The following KREMEN2 variants were observed in gnomAD, a reference collection of about 807,000 sequenced individuals.
KREMEN2 encodes the protein kremen protein 2.
A neutral mutation model predicts 49.8 loss-of-function variants in KREMEN2; 43 were observed. The ratio of observed to expected loss-of-function variants is 0.86; its 90% CI spans 0.68 to 1.11. The LOEUF is 1.11. KREMEN2 is among the 50% of genes most tolerant of loss of function. KREMEN2 has a pLI of 0.00. For missense variants in KREMEN2, 686 were observed against 665.7 expected, an observed-to-expected ratio of 1.03 and a Z score of -0.34; for synonymous variants, 355 against 304.9, an observed-to-expected ratio of 1.16 and a Z score of -1.71.
At position 2,967,974 on chromosome 16, in the gene KREMEN2, G is replaced by C. The variant is rs188657773; in HGVS notation, c.1343G>C (p.Ser448Thr). 1.1e-3 allele frequency: 1,696 copies of C among 1,585,680 alleles called. 3 individuals carry two copies. The highest frequency in any genetic ancestry group is 1.3e-3 in the Non-Finnish European group (1,553 of 1,170,544). Residue 448 changes from serine to threonine, a missense_variant, in exon 9 of 9, where the codon AGT becomes ACT. Coordinates refer to ENST00000303746, the MANE Select transcript of KREMEN2 (RefSeq NM_172229.3). Reference sequence around the variant, plus strand: ...TCTGCCGCGGGCTACCGGCCTCTGAGTGCCTCCAGCCAGAGCTCCCTGCGC... The same window carrying C: ...TCTGCCGCGGGCTACCGGCCTCTGACTGCCTCCAGCCAGAGCTCCCTGCGC... ...EGSAAGYRPLSASSQSSLRSL... is the reference protein window; with the variant it reads ...EGSAAGYRPLTASSQSSLRSL...
At position 2,967,006 on chromosome 16, in the gene KREMEN2, G is replaced by GCTGGGCC; in HGVS notation, c.746_752dup (p.Pro252GlyfsTer82). ...GAGTACGGGCCGGACCGGAACTGCA[G>GCTGGGCC]CTGGGCCCTGGGCCCGCCAGGCGCC... On this transcript the variant is annotated frameshift_variant, in exon 6 of 9. Coordinates refer to ENST00000303746, the MANE Select transcript of KREMEN2 (RefSeq NM_172229.3). LOFTEE classifies it high-confidence loss of function. 1 of 1,550,412 alleles carries GCTGGGCC rather than the reference G, an allele frequency of 6.4e-7. No homozygotes were observed. Among genetic ancestry groups the GCTGGGCC allele is most frequent in the Non-Finnish European group, 8.7e-7 (1 of 1,147,402 alleles).
chr16:2,966,885 T>C lies in KREMEN2; in HGVS notation c.641-25T>C, dbSNP rs1005723651. 6.5e-7 allele frequency: 1 copy of C among 1,545,078 alleles called. No individual in the cohort carries two copies. The highest frequency in any genetic ancestry group is 8.7e-7 in the Non-Finnish European group (1 of 1,144,524). On this transcript the variant is annotated intron_variant, in intron 5 of 8. Transcript: ENST00000303746. The surrounding 1 kb of genome is among the most constrained non-coding windows in gnomAD (Gnocchi z 8.4). ...AGCCGCCGTGTCCTGGTCCTCAGGA[T>C]GCTGACTGCCGGCCCCGCCCGCAGT...
At position 2,964,619 on chromosome 16, in the gene KREMEN2, G is replaced by A. The variant is rs748445505; in HGVS notation, c.94+5G>A. 36 of 1,579,164 alleles carry A rather than the reference G, an allele frequency of 2.3e-5. No homozygotes were observed. The East Asian group carries it at 8.2e-4, about 36-fold the overall frequency. On this transcript the variant is annotated splice_donor_5th_base_variant and intron_variant, in intron 1 of 8. Transcript: ENST00000303746. ...CTGGGAGCCTGCACAGTCCAGGTAAGTCCCCGCACGGCTGTCGGGCCGTGT... is the reference window on the plus strand; with the variant it reads ...CTGGGAGCCTGCACAGTCCAGGTAAATCCCCGCACGGCTGTCGGGCCGTGT...
In KREMEN2 at chr16:2,966,404, C is replaced by T. The variant is rs957710592; in HGVS notation, c.441C>T (p.Leu147=). 4 of 1,611,310 alleles carry T rather than the reference C, an allele frequency of 2.5e-6. No individual in the cohort carries two copies. Among genetic ancestry groups the T allele is most frequent in the South Asian group, 1.1e-5 (1 of 91,002 alleles). ...LSGPSGTSTK[L]TVQVCLRFCR... ...GCCCCAGCGGCACCTCCACGAAGCT[C>T]ACGGTCCAGGTGTGCCTACGCTTCT... Residue 147 remains leucine (L), a synonymous_variant, in exon 4 of 9, where the codon CTC becomes CTT. Transcript: ENST00000303746. This position sits in a 1 kb window ranked among gnomAD's most constrained non-coding sequence, Gnocchi z 8.4.
intron 2 of KREMEN2, 136 bp downstream of exon 2, chr16:2,965,169 G>A: frequency 3.0e-6 from 1 of 331,896 alleles, no homozygotes; most frequent in Non-Finnish European, 5.4e-6. Context: ...CCTGGGGGCG[G>A]GGCCAGAATG....
At position 2,966,912 on chromosome 16, in the gene KREMEN2, T is replaced by C. The variant is rs1411430344; in HGVS notation, c.643T>C (p.Ser215Pro). ...GDGRLGVYEV[S>P]VGSCQGNWTA... ...CTGACTGCCGGCCCCGCCCGCAGTG[T>C]CGGTGGGCTCCTGCCAGGGGAACTG... The change falls in exon 6 of 9, where the codon TCG (serine) becomes CCG (proline). Residue 215 changes from serine to proline, a missense_variant and splice_region_variant. Coordinates refer to ENST00000303746, the MANE Select transcript of KREMEN2 (RefSeq NM_172229.3). This position sits in a 1 kb window ranked among gnomAD's most constrained non-coding sequence, Gnocchi z 8.4. 4 of 1,544,956 alleles carry C rather than the reference T, an allele frequency of 2.6e-6. No homozygotes were observed. The highest frequency in any genetic ancestry group is 3.5e-6 in the Non-Finnish European group (4 of 1,143,424).
chr16:2,964,447 G>A lies in KREMEN2; in HGVS notation c.-74G>A. 2 of 1,084,236 alleles carry A rather than the reference G, an allele frequency of 1.8e-6. No homozygotes were observed. Among genetic ancestry groups the A allele is most frequent in the Non-Finnish European group, 2.7e-6 (2 of 753,568 alleles). 67.2% of individuals were successfully genotyped at this position (1,084,236 alleles called of 1,614,324 possible). A position where few individuals can be genotyped will look rare whatever the true frequency, so the allele number is the denominator to read the frequency against. ...AGGACAACGCCCCCTAGGTCTCCTG[G>A]GAGACCCCGAAGCGACCCCGGGGGC... On this transcript the variant is annotated 5_prime_UTR_variant, in exon 1 of 9. Transcript: ENST00000303746.
In KREMEN2 at chr16:2,964,822, G is replaced by A. The variant is rs756426250; in HGVS notation, c.95-37G>A. 4 of 1,599,762 alleles carry A rather than the reference G, an allele frequency of 2.5e-6. No homozygotes were observed. In the East Asian group the frequency reaches 6.8e-5, roughly 27 times the overall value. On this transcript the variant is annotated intron_variant, in intron 1 of 8. Transcript: ENST00000303746. The stretch of plus-strand genomic sequence containing the variant: ...TAGGGGCGCGAGGATGCCCGGCGTG[G>A]GTCCGGACCTCCCCAGGCCCTGCCT...
In KREMEN2 at chr16:2,966,801, G is replaced by A; in HGVS notation, c.640+6G>A. 1.2e-6 allele frequency: 2 copies of A among 1,610,302 alleles called. No individual in the cohort carries two copies. The highest frequency in any genetic ancestry group is 1.1e-5 in the South Asian group (1 of 90,920). On this transcript the variant is annotated splice_donor_region_variant and intron_variant, in intron 5 of 8. Transcript: ENST00000303746. The surrounding 1 kb of genome is among the most constrained non-coding windows in gnomAD (Gnocchi z 8.4). ...GCGGCTGGGCGTCTATGAAGGTGAG[G>A]AGTGGGCGGGGACCAGGGGCCTGGG...
intron 2 of KREMEN2, among the ~76,000 whole-genome samples, chr16:2,965,894 G>A (rs1207742797): frequency 6.6e-6 from 1 of 152,148 alleles, no homozygotes; most frequent in East Asian, 1.9e-4. Flanking sequence ...AACAGCTGAA[G>A]CCTAAAAACA....
intron 2 of KREMEN2, 80 bp downstream of exon 2, chr16:2,965,113 C>T (rs1185752984): frequency 5.5e-6 from 5 of 912,842 alleles, no homozygotes; most frequent in Admixed American, 7.0e-5. Flanking sequence ...TCCGTGCGGG[C>T]GGGGTGGAGG....
At position 2,964,439 on chromosome 16, in the gene KREMEN2, G is replaced by A; in HGVS notation, c.-82G>A. On this transcript the variant is annotated 5_prime_UTR_variant, in exon 1 of 9. Transcript: ENST00000303746. ...ACTGTCAGAGGACAACGCCCCCTAG[G>A]TCTCCTGGGAGACCCCGAAGCGACC... The A allele has an allele frequency of 1.0e-6, 1 of 960,920 alleles. No homozygotes were observed. Among genetic ancestry groups the A allele is most frequent in the Non-Finnish European group, 1.6e-6 (1 of 642,216 alleles). 59.5% of individuals were successfully genotyped at this position (960,920 alleles called of 1,614,324 possible). A position where few individuals can be genotyped will look rare whatever the true frequency, so the allele number is the denominator to read the frequency against.
At position 2,966,828 on chromosome 16, in the gene KREMEN2, G is replaced by T; in HGVS notation, c.640+33G>T. The T allele has an allele frequency of 6.2e-7, 1 of 1,600,186 alleles. No homozygotes were observed. The highest frequency in any genetic ancestry group is 1.1e-5 in the South Asian group (1 of 90,156). ...GTGGGCGGGGACCAGGGGCCTGGGC[G>T]GGCCTCGAGGTGGGGCCTGGCCGGG... On this transcript the variant is annotated intron_variant, in intron 5 of 8. Transcript: ENST00000303746. The surrounding 1 kb of genome is among the most constrained non-coding windows in gnomAD (Gnocchi z 8.4).
chr16:2,967,209 G>A lies in KREMEN2; in HGVS notation c.940G>A (p.Gly314Ser), dbSNP rs1422581366. ...GCTCACCTTCCGAAGCGACGCGCGCGGCCACGCGCAAGGCTTCGCGCTCAC... is the reference window on the plus strand; with the variant it reads ...GCTCACCTTCCGAAGCGACGCGCGCAGCCACGCGCAAGGCTTCGCGCTCAC... ...LLLTFRSDAR[G>S]HAQGFALTYR... is the part of the protein sequence containing the mutation. The change falls in exon 6 of 9, where the codon GGC (glycine) becomes AGC (serine). Residue 314 changes from glycine to serine, a missense_variant. Coordinates refer to ENST00000303746, the MANE Select transcript of KREMEN2 (RefSeq NM_172229.3). 10 of 1,354,164 alleles carry A rather than the reference G, an allele frequency of 7.4e-6. No individual in the cohort carries two copies. The highest frequency in any genetic ancestry group is 5.5e-5 in the South Asian group (3 of 54,056). 83.9% of individuals were successfully genotyped at this position (1,354,164 alleles called of 1,614,324 possible). A position where few individuals can be genotyped will look rare whatever the true frequency, so the allele number is the denominator to read the frequency against.
Position 2,967,925 on chromosome 16 carries a change from C to G in KREMEN2, c.1294C>G (p.Pro432Ala), listed in dbSNP as rs1468959787. 2 of 1,576,548 alleles carry G rather than the reference C, an allele frequency of 1.3e-6. No homozygotes were observed. The highest frequency in any genetic ancestry group is 3.7e-5 in the Admixed American group (2 of 54,672). ...CCGAGGGGTGGCCTTGCCCTGCTCCCCCGGGGACCCCCAGGCTGAGGGTTC... is the reference window on the plus strand; with the variant it reads ...CCGAGGGGTGGCCTTGCCCTGCTCCGCCGGGGACCCCCAGGCTGAGGGTTC... ...QPRGVALPCS[P>A]GDPQAEGSAA... The change falls in exon 9 of 9, where the codon CCC becomes GCC. Residue 432 changes from proline to alanine, a missense_variant. By Grantham distance (27) the Pro-to-Ala change is conservative (BLOSUM62 -1). Coordinates refer to ENST00000303746, the MANE Select transcript of KREMEN2 (RefSeq NM_172229.3).
chr16:2,968,282 G>A lies in KREMEN2; in HGVS notation c.*262G>A. ...GTTTCGGAGGTCTTTGAACCCCTCTGGGGGTGGTCCTGGACTGCCGTCCTC... is the reference window on the plus strand; with the variant it reads ...GTTTCGGAGGTCTTTGAACCCCTCTAGGGGTGGTCCTGGACTGCCGTCCTC... On this transcript the variant is annotated 3_prime_UTR_variant, in exon 9 of 9. Transcript: ENST00000303746. 1.5e-6 allele frequency: 2 copies of A among 1,332,720 alleles called. No homozygotes were observed. The highest frequency in any genetic ancestry group is 1.0e-6 in the Non-Finnish European group (1 of 964,452). The allele number at this position is 1,332,720 out of a possible 1,614,324, so 82.6% of individuals were successfully genotyped here.
intron 7 of KREMEN2, 29 bp downstream of exon 7, chr16:2,967,474 G>A (rs1283871432): frequency 6.8e-7 from 1 of 1,475,880 alleles, no homozygotes; most frequent in Non-Finnish European, 8.9e-7. Context: ...ACGGGAGTGA[G>A]TCAGGGAGCC....
chr16:2,965,511 T>G (rs1339724190), intron 2 of KREMEN2, among the ~76,000 whole-genome samples: 2 of 152,180 alleles, frequency 1.3e-5, no homozygotes, highest in Non-Finnish European at 2.9e-5. Flanking sequence ...TGGCTCAGCC[T>G]GTAATCCCAG....
intron 7 of KREMEN2, 37 bp from the exon 8 acceptor site, chr16:2,967,489 C>T: frequency 6.7e-7 from 1 of 1,500,524 alleles, no homozygotes; most frequent in Non-Finnish European, 8.8e-7. Flanking sequence ...GGAGCCGCCC[C>T]CTCGCGCCCA....
Sources: allele counts gnomAD v4.1 joint callset (sites outside exome capture counted in the v4.1 genomes callset), GRCh38; gene constraint gnomAD v4.1.1; non-coding constraint Gnocchi (gnomAD v3.1); transcripts MANE v1.5; gene names NCBI Gene and HGNC (gene_info 2026-07-23, HGNC 2026-07-21).